SLC7A8: variants seen among roughly 807,000 people sequenced by gnomAD.
The protein encoded by SLC7A8 is large neutral amino acids transporter small subunit 2.
SLC7A8 carries 30 observed loss-of-function variants against 51.2 expected under a neutral mutation model. The observed-to-expected ratio is 0.59, with a 90% CI of 0.44 to 0.80. SLC7A8 has a LOEUF of 0.80. Among genes scored for constraint, SLC7A8 ranks in the 30% least tolerant of loss-of-function variants. The probability of loss-of-function intolerance (pLI) is 0.00; values close to 1 mark genes in which losing one functional copy is unlikely to be tolerated. For synonymous variants in SLC7A8, 257 were observed against 275.8 expected, an observed-to-expected ratio of 0.93 and a Z score of 0.67; for missense variants, 612 against 674.4, an observed-to-expected ratio of 0.91 and a Z score of 1.03.
intron 3 of SLC7A8, among the ~76,000 whole-genome samples, chr14:23,147,651 G>A (rs1594828722): frequency 6.6e-6 from 1 of 152,052 alleles, no homozygotes; most frequent in Non-Finnish European, 1.5e-5. Flanking sequence ...TGTATTTTTT[G>A]GGCATTTCCT....
intron 7 of SLC7A8, among the ~76,000 whole-genome samples, chr14:23,132,474 T>G (rs529004178): frequency 6.6e-6 from 1 of 152,124 alleles, no homozygotes; most frequent in African/African-American, 2.4e-5. Context: ...TCTAGCTACT[T>G]GGGAGGCTGA....
At chr14:23,148,508 C>A (rs770176741) in intron 3 of SLC7A8, among the ~76,000 whole-genome samples, 11 of 152,138 alleles carry the variant, frequency 7.2e-5, no homozygotes, top group Non-Finnish European at 1.6e-4. Context: ...GATTACAGGC[C>A]TGAGCCACCG....
At position 23,148,447 on chromosome 14, in the gene SLC7A8, C is replaced by T. The variant is rs375645826; in HGVS notation, c.509-5243G>A. On this transcript the variant is annotated intron_variant, in intron 3 of 10. Transcript: ENST00000316902. ...TTCACCATGTTGGCCAGGCTGGTCT[C>T]GAATTCCTGAACTCAGGTGATCCAC... Among the ~76,000 whole-genome samples, 51 of 152,208 alleles carry T rather than the reference C, an allele frequency of 3.4e-4. 1 individual carries two copies. In the East Asian group the frequency reaches 4.8e-3, roughly 14 times the overall value.
At chr14:23,167,658 C>T (rs182446135) in intron 1 of SLC7A8, among the ~76,000 whole-genome samples, 168 of 152,230 alleles carry the variant, frequency 1.1e-3, no homozygotes, top group Non-Finnish European at 2.1e-3. Context: ...AAGAGGTCAT[C>T]GGGGTCCATT....
chr14:23,158,970 C>T (rs894235598), intron 3 of SLC7A8, among the ~76,000 whole-genome samples: 3 of 152,140 alleles, frequency 2.0e-5, no homozygotes, highest in Admixed American at 6.5e-5. Flanking sequence ...ATTCCCTGTT[C>T]CTTGGATAAA....
chr14:23,157,444 T>G (rs2048899869), intron 3 of SLC7A8, among the ~76,000 whole-genome samples: 1 of 152,204 alleles, frequency 6.6e-6, no homozygotes, highest in South Asian at 2.1e-4. Flanking sequence ...AAAATACAGA[T>G]ATGATCATGT....
At chr14:23,150,943 C>T (rs1362839817) in intron 3 of SLC7A8, among the ~76,000 whole-genome samples, 1 of 152,336 alleles carries the variant, frequency 6.6e-6, no homozygotes, top group Admixed American at 6.5e-5. Context: ...GTCACAGGTA[C>T]AGGCTGTGGG....
intron 1 of SLC7A8, among the ~76,000 whole-genome samples, chr14:23,170,995 C>G (rs2048972856): frequency 6.6e-6 from 1 of 152,144 alleles, no homozygotes; most frequent in African/African-American, 2.4e-5. Flanking sequence ...TCCTAAAGTG[C>G]TGAGATTACA....
At chr14:23,169,977 A>G (rs1382864457) in intron 1 of SLC7A8, among the ~76,000 whole-genome samples, 2 of 152,172 alleles carry the variant, frequency 1.3e-5, no homozygotes, top group African/African-American at 4.8e-5. Flanking sequence ...GGCAATGGGA[A>G]TGGTTCACAG....
At chr14:23,132,367 G>A (rs1013775892) in intron 7 of SLC7A8, among the ~76,000 whole-genome samples, 3 of 151,994 alleles carry the variant, frequency 2.0e-5, no homozygotes, top group Non-Finnish European at 2.9e-5. Context: ...AATTGGTGGT[G>A]GAAATGTTCT....
rs372047688 is a variant in SLC7A8, at chr14:23,165,362, T to C, written c.431A>G (p.Asn144Ser). ...GGGGAAGAGCGGCTGCAGCACGTAGTTGGAGAAGGTGAGGGCGATGACAGC... is the reference window on the plus strand; with the variant it reads ...GGGGAAGAGCGGCTGCAGCACGTAGCTGGAGAAGGTGAGGGCGATGACAGC... ...NQAVIALTFS[N>S]YVLQPLFPTC... Residue 144 changes from asparagine (N) to serine (S), a missense_variant, in exon 3 of 11, where the codon AAC becomes AGC. By Grantham distance (46) the Asn-to-Ser change is conservative (BLOSUM62 1). Coordinates refer to ENST00000316902, the MANE Select transcript of SLC7A8 (RefSeq NM_012244.4). The surrounding 1 kb of genome is among the most constrained non-coding windows in gnomAD (Gnocchi z 4.2). 1.9e-6 allele frequency: 3 copies of C among 1,603,006 alleles called. No individual in the cohort carries two copies. The highest frequency in any genetic ancestry group is 2.2e-5 in the South Asian group (2 of 89,310).
chr14:23,147,815 G>A (rs757122184), intron 3 of SLC7A8, among the ~76,000 whole-genome samples: 1 of 152,220 alleles, frequency 6.6e-6, no homozygotes, highest in Non-Finnish European at 1.5e-5. Flanking sequence ...TACAAATAAT[G>A]AGTCAGGCAG....
chr14:23,146,017 T>C (rs761170237), intron 3 of SLC7A8, among the ~76,000 whole-genome samples: 9 of 152,192 alleles, frequency 5.9e-5, no homozygotes, highest in Non-Finnish European at 1.0e-4. Context: ...TCAATAAGGA[T>C]TTCAGGATCA....
intron 3 of SLC7A8, among the ~76,000 whole-genome samples, chr14:23,156,987 AACTT>A (rs1473812733): frequency 3.3e-5 from 5 of 152,230 alleles, no homozygotes; most frequent in Admixed American, 6.5e-5. Flanking sequence ...CTTCTCAGGT[AACTT>A]ACTTACTCTG....
Position 23,182,897 on chromosome 14 carries a change from C to A in SLC7A8, c.18G>T (p.Arg6Ser), listed in dbSNP as rs201823974. The A allele has an allele frequency of 1.4e-5, 23 of 1,614,112 alleles. No individual in the cohort carries two copies. The highest frequency in any genetic ancestry group is 1.9e-5 in the Non-Finnish European group (23 of 1,180,018). Residue 6 changes from arginine to serine, a missense_variant, in exon 1 of 11, where the codon AGG becomes AGT. Physicochemically the swap from Arg to Ser is moderately radical, Grantham distance 110. Transcript: ENST00000316902. ...GTTTCTTTTCGGTGTTGTTTCGGTG[C>A]CTGGCTCCTTCTTCCATCCTTCTCA... MEEGA[R>S]HRNNTEKKHP... is the part of the protein sequence containing the mutation.
Position 23,165,262 on chromosome 14 carries a change from A to G in SLC7A8, c.508+23T>C. The G allele has an allele frequency of 2.5e-6, 4 of 1,599,306 alleles. No individual in the cohort carries two copies. The highest frequency in any genetic ancestry group is 3.4e-6 in the Non-Finnish European group (4 of 1,174,372). On this transcript the variant is annotated intron_variant, in intron 3 of 10. Transcript: ENST00000316902. The surrounding 1 kb of genome is among the most constrained non-coding windows in gnomAD (Gnocchi z 4.2). ...ATATAATAAAAGAGGCTGTCTTGCT[A>G]CCAAGACCCAGATGACACTTACATA...
At chr14:23,168,506 A>G (rs971496154) in intron 1 of SLC7A8, among the ~76,000 whole-genome samples, 3 of 152,232 alleles carry the variant, frequency 2.0e-5, no homozygotes, top group Non-Finnish European at 4.4e-5. Context: ...TCCATAGGGA[A>G]TTTCAAAGCC....
chr14:23,169,028 A>C (rs2048963489), intron 1 of SLC7A8, among the ~76,000 whole-genome samples: 1 of 152,196 alleles, frequency 6.6e-6, no homozygotes, highest in African/African-American at 2.4e-5. Flanking sequence ...TTCTGCCCCC[A>C]AAACCTTATT....
At chr14:23,147,406 A>G (rs534927937) in intron 3 of SLC7A8, among the ~76,000 whole-genome samples, 1 of 152,332 alleles carries the variant, frequency 6.6e-6, no homozygotes, top group South Asian at 2.1e-4. Flanking sequence ...CAACGAGGTG[A>G]TGGCAAAGCT....
Sources: allele counts gnomAD v4.1 joint callset (sites outside exome capture counted in the v4.1 genomes callset), GRCh38; gene constraint gnomAD v4.1.1; non-coding constraint Gnocchi (gnomAD v3.1); transcripts MANE v1.5; gene names NCBI Gene and HGNC (gene_info 2026-07-23, HGNC 2026-07-21).